NALF1: variants seen among roughly 807,000 people sequenced by gnomAD.
The protein encoded by NALF1 is family with sequence similarity 155 member A.
A neutral mutation model predicts 48.4 loss-of-function variants in NALF1; 3 were observed. That is an observed-to-expected ratio of 0.06 (90% CI 0.03 to 0.16). NALF1 has a LOEUF of 0.16. Among genes scored for constraint, NALF1 ranks in the 10% least tolerant of loss-of-function variants. NALF1 has a pLI of 1.00. For missense variants in NALF1, 526 were observed against 571.5 expected (o/e 0.92, Z 0.81); for synonymous variants, 262 against 245.7 (o/e 1.07, Z -0.62).
chr13:107,815,109 G>C (rs1879123252), intron 1 of NALF1, among the ~76,000 whole-genome samples: 1 of 152,008 alleles, frequency 6.6e-6, no homozygotes, highest in East Asian at 1.9e-4. Context: ...TGGTTTCTCA[G>C]TTATGACTCC....
intron 1 of NALF1, among the ~76,000 whole-genome samples, chr13:107,742,899 C>A (rs141861086): frequency 6.6e-6 from 1 of 152,150 alleles, no homozygotes; most frequent in Non-Finnish European, 1.5e-5. Flanking sequence ...GTGGATGCTA[C>A]GGAGAATGTA....
chr13:107,619,375 T>C (rs147690509), intron 1 of NALF1, among the ~76,000 whole-genome samples: 5 of 152,300 alleles, frequency 3.3e-5, no homozygotes, highest in African/African-American at 1.2e-4. Context: ...ATCAGCCTTT[T>C]GATAAATCAA....
chr13:107,578,640 T>C (rs1878218614), intron 1 of NALF1, among the ~76,000 whole-genome samples: 1 of 152,196 alleles, frequency 6.6e-6, no homozygotes, highest in Non-Finnish European at 1.5e-5. Context: ...ATCAACTAGA[T>C]TGTTGTATCA....
intron 2 of NALF1, among the ~76,000 whole-genome samples, chr13:107,209,861 T>C (rs1189426635): frequency 2.6e-5 from 4 of 152,212 alleles, no homozygotes; most frequent in Non-Finnish European, 4.4e-5. Flanking sequence ...CACACCACCC[T>C]GGCAAAGTAT....
intron 1 of NALF1, among the ~76,000 whole-genome samples, chr13:107,682,598 T>C (rs75708401): frequency 6.7e-6 from 1 of 148,952 alleles, no homozygotes; most frequent in Non-Finnish European, 1.5e-5. Flanking sequence ...GATTCCACTC[T>C]TTTTTTTTTC....
chr13:107,622,625 C>A (rs1879556414), intron 1 of NALF1, among the ~76,000 whole-genome samples: 1 of 152,106 alleles, frequency 6.6e-6, no homozygotes. Flanking sequence ...GTTGATTTCA[C>A]CCCAGGGGCT....
At chr13:107,611,078 C>T (rs551440370) in intron 1 of NALF1, among the ~76,000 whole-genome samples, 5 of 152,242 alleles carry the variant, frequency 3.3e-5, no homozygotes, top group East Asian at 3.9e-4. Flanking sequence ...CAGAAACTGC[C>T]CTGCAGGTGT....
chr13:107,447,206 T>A (rs1006064374), intron 1 of NALF1, among the ~76,000 whole-genome samples: 1 of 152,090 alleles, frequency 6.6e-6, no homozygotes, highest in African/African-American at 2.4e-5. Context: ...TCCTTCTCCT[T>A]CTTTTCCCTT....
Position 107,866,420 on chromosome 13 carries a change from G to A in NALF1, c.177C>T (p.Cys59=). Residue 59 remains cysteine, a synonymous_variant, in exon 1 of 3, where the codon TGC becomes TGT. Transcript: ENST00000375915. The surrounding 1 kb of genome is among the most constrained non-coding windows in gnomAD (Gnocchi z 4.4). ...TVLLSDHLWF[C]AEAKLTRARD... ...GGGCCCGGGTCAGCTTGGCCTCGGCGCAGAACCACAAGTGATCAGAGAGCA... is the reference window on the plus strand; with the variant it reads ...GGGCCCGGGTCAGCTTGGCCTCGGCACAGAACCACAAGTGATCAGAGAGCA... 1.2e-6 allele frequency: 2 copies of A among 1,614,102 alleles called. No homozygotes were observed. The highest frequency in any genetic ancestry group is 1.7e-6 in the Non-Finnish European group (2 of 1,180,036).
rs746546835 is a variant in NALF1, at chr13:107,866,199, G to A, written c.398C>T (p.Pro133Leu). The A allele has an allele frequency of 1.2e-6, 2 of 1,602,538 alleles. No individual in the cohort carries two copies. The highest frequency in any genetic ancestry group is 1.3e-5 in the African/African-American group (1 of 74,696). Residue 133 changes from proline to leucine, a missense_variant, in exon 1 of 3, where the codon CCC becomes CTC. Physicochemically the swap from Pro to Leu is moderately conservative, Grantham distance 98. This residue lies in a region of NALF1 where 373 missense variants were observed against 355.5 expected (regional missense o/e 1.05). Transcript: ENST00000375915. The surrounding 1 kb of genome is among the most constrained non-coding windows in gnomAD (Gnocchi z 4.4). ...LSASSSPTLP[P>L]SPGDGGGGGG... ...GCCGCCGCCGCCGTCTCCCGGGGAG[G>A]GGGGCAGGGTGGGGGACGAGGAGGC...
chr13:107,253,576 G>T (rs2138846859), intron 1 of NALF1, among the ~76,000 whole-genome samples: 1 of 152,304 alleles, frequency 6.6e-6, no homozygotes, highest in African/African-American at 2.4e-5. Context: ...GCATACTTCT[G>T]AAAGATTAAT....
At chr13:107,768,205 G>T (rs1256048443) in intron 1 of NALF1, among the ~76,000 whole-genome samples, 1 of 152,148 alleles carries the variant, frequency 6.6e-6, no homozygotes, top group Non-Finnish European at 1.5e-5. Flanking sequence ...GACAATACAT[G>T]CACAAGGCTT....
chr13:107,236,530 A>C (rs898950453), intron 1 of NALF1, among the ~76,000 whole-genome samples: 2 of 152,182 alleles, frequency 1.3e-5, no homozygotes, highest in Admixed American at 6.5e-5. Flanking sequence ...TTCCAATTTG[A>C]AAACTAGAAA....
intron 1 of NALF1, among the ~76,000 whole-genome samples, chr13:107,774,745 A>G (rs1010213211): frequency 1.3e-5 from 2 of 152,100 alleles, no homozygotes; most frequent in African/African-American, 4.8e-5. Flanking sequence ...TTTTGTTCTT[A>G]CGGAGTCTCT....
intron 1 of NALF1, among the ~76,000 whole-genome samples, chr13:107,361,464 G>A (rs1883059071): frequency 6.6e-6 from 1 of 152,010 alleles, no homozygotes. Flanking sequence ...GACATTCAAG[G>A]CAAAAGGACT....
At chr13:107,570,838 T>C (rs1029167138) in intron 1 of NALF1, among the ~76,000 whole-genome samples, 1 of 152,010 alleles carries the variant, frequency 6.6e-6, no homozygotes, top group African/African-American at 2.4e-5. Flanking sequence ...TAAATGAATA[T>C]AAACAGCTAT....
chr13:107,422,119 T>C (rs1288988208), intron 1 of NALF1, among the ~76,000 whole-genome samples: 1 of 152,172 alleles, frequency 6.6e-6, no homozygotes, highest in Non-Finnish European at 1.5e-5. Flanking sequence ...CCATTCATCA[T>C]CATGGGAACA....
At chr13:107,170,912 A>C in intron 2 of NALF1, 126 bp from the exon 3 acceptor site, 1 of 829,574 alleles carries the variant, frequency 1.2e-6, no homozygotes, top group Admixed American at 2.6e-5. Flanking sequence ...TATTTAAAGG[A>C]AAATCAAGTC....
intron 1 of NALF1, among the ~76,000 whole-genome samples, chr13:107,263,545 C>A (rs1260861436): frequency 6.6e-6 from 1 of 152,022 alleles, no homozygotes; most frequent in East Asian, 1.9e-4. Flanking sequence ...ATCATGGGGG[C>A]AGTTCCCCCA....
Sources: allele counts gnomAD v4.1 joint callset (sites outside exome capture counted in the v4.1 genomes callset), GRCh38; gene constraint gnomAD v4.1.1; regional missense constraint gnomAD v4.1.1; non-coding constraint Gnocchi (gnomAD v3.1); transcripts MANE v1.5; gene names NCBI Gene and HGNC (gene_info 2026-07-23, HGNC 2026-07-21).